The following MTG1 variants were observed in gnomAD, a reference collection of about 807,000 sequenced individuals.
The protein encoded by MTG1 is mitochondrial ribosome associated GTPase 1.
A neutral mutation model predicts 39.5 loss-of-function variants in MTG1; 30 were observed. The observed-to-expected ratio is 0.76, with a 90% confidence interval of 0.57 to 1.03. MTG1 has a LOEUF of 1.03. Among genes scored for constraint, MTG1 ranks in the 50% least tolerant of loss-of-function variants. MTG1 has a pLI of 0.00. For missense variants in MTG1, 513 were observed against 447.4 expected (o/e 1.15, Z -1.32); for synonymous variants, 217 against 179.0 (o/e 1.21, Z -1.69).
Position 133,401,527 on chromosome 10 carries a change from A to C in MTG1, c.512-2A>C. ...GAGCCTCCTTTTCTCCTTTTCCTAC[A>C]GGGAAAGCCACCAGGGTGGGTGGCG... On this transcript the variant is annotated splice_acceptor_variant, in intron 6 of 10. Coordinates refer to ENST00000317502, the MANE Select transcript of MTG1 (RefSeq NM_138384.4). LOFTEE classifies it high-confidence loss of function. The C allele has an allele frequency of 2.6e-6, 4 of 1,564,416 alleles. No individual in the cohort carries two copies. Among genetic ancestry groups the C allele is most frequent in the Non-Finnish European group, 3.5e-6 (4 of 1,155,880 alleles).
intron 9 of MTG1, among the ~76,000 whole-genome samples, chr10:133,417,862 A>G (rs1323265547): frequency 2.0e-5 from 3 of 152,330 alleles, no homozygotes; most frequent in South Asian, 2.1e-4. Flanking sequence ...CCACTGCTCA[A>G]TGAAATAAAA....
Position 133,394,208 on chromosome 10 carries a change from G to T in MTG1, c.-13G>T. On this transcript the variant is annotated 5_prime_UTR_variant, in exon 1 of 11. Coordinates refer to ENST00000317502, the MANE Select transcript of MTG1 (RefSeq NM_138384.4). ...AGGTCAGCTGCGGGAGCGTTTCCGG[G>T]GACGGTGCCGCCATGAGATTGACCC... The T allele has an allele frequency of 6.6e-7, 1 of 1,509,534 alleles. No individual in the cohort carries two copies. The highest frequency in any genetic ancestry group is 8.8e-7 in the Non-Finnish European group (1 of 1,132,774). The allele number at this position is 1,509,534 out of a possible 1,614,324, so 93.5% of individuals were successfully genotyped here. A position where few individuals can be genotyped will look rare whatever the true frequency, so the allele number is the denominator to read the frequency against.
chr10:133,415,249 C>T (rs137964077), intron 9 of MTG1, among the ~76,000 whole-genome samples: 1,933 of 152,290 alleles, frequency 0.013, 20 homozygotes, highest in Non-Finnish European at 0.019. Context: ...TTTTCATAGA[C>T]GGGTCCTGCA....
intron 3 of MTG1, among the ~76,000 whole-genome samples, chr10:133,396,789 G>A (rs1451774938): frequency 6.6e-6 from 1 of 152,188 alleles, no homozygotes; most frequent in Non-Finnish European, 1.5e-5. Context: ...GAGCTGAGGG[G>A]ACATAGTGAG....
chr10:133,414,314 T>A (rs1008015020), intron 9 of MTG1, among the ~76,000 whole-genome samples: 1 of 151,750 alleles, frequency 6.6e-6, no homozygotes, highest in Non-Finnish European at 1.5e-5. Flanking sequence ...CATGTCTACT[T>A]CTTTCTACAC....
At position 133,402,056 on chromosome 10, in the gene MTG1, A is replaced by G. The variant is rs1849885516; in HGVS notation, c.574-93A>G. On this transcript the variant is annotated intron_variant, in intron 7 of 10. Transcript: ENST00000317502. This position sits in a 1 kb window ranked among gnomAD's most constrained non-coding sequence, Gnocchi z 4.7. ...GGGTCCCTGAGGCCTTCCTCGGAGC[A>G]TTGGGTGCCAGGGGCTGCCCAGGCT... 10 of 1,500,522 alleles carry G rather than the reference A, an allele frequency of 6.7e-6. No homozygotes were observed. Among genetic ancestry groups the G allele is most frequent in the Non-Finnish European group, 8.3e-6 (9 of 1,085,182 alleles). The allele number at this position is 1,500,522 out of a possible 1,614,324, so 93.0% of individuals were successfully genotyped here.
At chr10:133,418,865 G>A (rs2133518853) in intron 9 of MTG1, among the ~76,000 whole-genome samples, 1 of 152,306 alleles carries the variant, frequency 6.6e-6, no homozygotes, top group Non-Finnish European at 1.5e-5. Flanking sequence ...TTTCCCTCCA[G>A]GCCTCTCTGC....
rs770677100 is a variant in MTG1, at chr10:133,420,140, A to AC, written c.986dup (p.Ala330GlyfsTer2). 2.5e-6 allele frequency: 4 copies of AC among 1,611,566 alleles called. No individual in the cohort carries two copies. The highest frequency in any genetic ancestry group is 2.2e-5 in the East Asian group (1 of 44,796). On this transcript the variant is annotated frameshift_variant, in exon 11 of 11. Coordinates refer to ENST00000317502, the MANE Select transcript of MTG1 (RefSeq NM_138384.4). LOFTEE classifies it low-confidence loss of function (END_TRUNC). ...CTGGACCTCGACGTCCTGCGGGGCCACCCCCCGGCTGAGACTTTGCCCTGA... is the reference window on the plus strand; with the variant it reads ...CTGGACCTCGACGTCCTGCGGGGCCACCCCCCCGGCTGAGACTTTGCCCTGA...
At chr10:133,416,043 GGGCAGGCGGGCGTCA>G (rs1470678704) in intron 9 of MTG1, among the ~76,000 whole-genome samples, 1 of 147,482 alleles carries the variant, frequency 6.8e-6, no homozygotes, top group Non-Finnish European at 1.5e-5. Context: ...GGCGGGCGTC[GGGCAGGCGGGCGTCA>G]GGCTGCTTGG....
intron 9 of MTG1, among the ~76,000 whole-genome samples, chr10:133,407,231 T>G (rs182903358): frequency 2.0e-3 from 304 of 152,358 alleles, no homozygotes; most frequent in Admixed American, 3.3e-3. Context: ...GTGTGATGCC[T>G]CTAGCTTTGT....
intron 9 of MTG1, among the ~76,000 whole-genome samples, chr10:133,413,445 A>C (rs1850074202): frequency 6.7e-6 from 1 of 149,216 alleles, no homozygotes; most frequent in African/African-American, 2.5e-5. Flanking sequence ...TAGAGATGGG[A>C]GTTTCGCCAT....
chr10:133,405,671 C>T (rs1302972575), intron 9 of MTG1, among the ~76,000 whole-genome samples: 3 of 152,190 alleles, frequency 2.0e-5, no homozygotes, highest in East Asian at 3.8e-4. Flanking sequence ...GACAAGATTT[C>T]GTCCTTTGTT....
At chr10:133,407,023 C>G (rs1849978960) in intron 9 of MTG1, among the ~76,000 whole-genome samples, 1 of 106,046 alleles carries the variant, frequency 9.4e-6, no homozygotes, top group Admixed American at 9.4e-5. Context: ...CTGTGGTTAT[C>G]CAGTTTAACC....
In MTG1 at chr10:133,420,172, C is replaced by T; in HGVS notation, c.*7C>T. 6.2e-7 allele frequency: 1 copy of T among 1,604,886 alleles called. No individual in the cohort carries two copies. The highest frequency in any genetic ancestry group is 8.5e-7 in the Non-Finnish European group (1 of 1,175,586). The stretch of plus-strand genomic sequence containing the variant: ...GGCTGAGACTTTGCCCTGAACTTGT[C>T]CGGGTAGGGAGGGCCGGAGGCATGT... On this transcript the variant is annotated 3_prime_UTR_variant, in exon 11 of 11. Transcript: ENST00000317502.
intron 10 of MTG1, among the ~76,000 whole-genome samples, chr10:133,419,808 T>C (rs1850199614): frequency 6.6e-6 from 1 of 152,168 alleles, no homozygotes; most frequent in African/African-American, 2.4e-5. Flanking sequence ...CTGCCGCGTA[T>C]TGGGCAGTGC....
chr10:133,394,987 G>A (rs1226974523), intron 1 of MTG1, among the ~76,000 whole-genome samples: 2 of 152,192 alleles, frequency 1.3e-5, no homozygotes, highest in East Asian at 1.9e-4. Context: ...AAAGCTGGAA[G>A]CTTTGTTATC....
chr10:133,399,701 G>A, intron 6 of MTG1, 82 bp downstream of exon 6: 1 of 1,444,628 alleles, frequency 6.9e-7, no homozygotes, highest in South Asian at 1.2e-5. Flanking sequence ...CTTTCTTGGA[G>A]GGGACGTGCC....
chr10:133,419,500 T>G lies in MTG1; in HGVS notation c.773T>G (p.Leu258Arg). ...TGCAGGTACGTGCAGCACTACGGCC[T>G]GGGCAGTGCCTGTGACAACGTAGAG... Reference protein sequence around the residue: ...QRFGYVQHYGLGSACDNVERV... With the variant: ...QRFGYVQHYGRGSACDNVERV... Residue 258 changes from leucine (L) to arginine (R), a missense_variant, in exon 10 of 11, where the codon CTG (leucine) becomes CGG (arginine). By Grantham distance (102) the Leu-to-Arg change is moderately radical. Transcript: ENST00000317502. 6.2e-7 allele frequency: 1 copy of G among 1,604,704 alleles called. No homozygotes were observed. The highest frequency in any genetic ancestry group is 1.1e-5 in the South Asian group (1 of 89,172).
At chr10:133,398,325 G>C (rs1849818817) in intron 3 of MTG1, 110 bp from the exon 4 acceptor site, 1 of 1,008,550 alleles carries the variant, frequency 9.9e-7, no homozygotes, top group Non-Finnish European at 1.5e-6. Flanking sequence ...GCTTGAACCA[G>C]GGAGGCGGAG....
Sources: allele counts gnomAD v4.1 joint callset (sites outside exome capture counted in the v4.1 genomes callset), GRCh38; gene constraint gnomAD v4.1.1; non-coding constraint Gnocchi (gnomAD v3.1); transcripts MANE v1.5; gene names NCBI Gene and HGNC (gene_info 2026-07-23, HGNC 2026-07-21).